EYA3: variants seen among roughly 807,000 people sequenced by gnomAD.
EYA3 encodes protein phosphatase EYA3.
A neutral mutation model predicts 80.0 loss-of-function variants in EYA3; 39 were observed. That is an observed-to-expected ratio of 0.49 (90% CI 0.38 to 0.64). The LOEUF (loss-of-function observed/expected upper bound fraction) is 0.64. Ranked by LOEUF, EYA3 falls within the 30% of genes least tolerant of loss-of-function variation. The probability of loss-of-function intolerance (pLI) is 0.00; values close to 1 mark genes in which losing one functional copy is unlikely to be tolerated. For synonymous variants in EYA3, 206 were observed against 232.8 expected (o/e 0.88, Z 1.05); for missense variants, 523 against 676.1 (o/e 0.77, Z 2.51).
intron 2 of EYA3, among the ~76,000 whole-genome samples, chr1:28,055,243 A>G (rs1644395699): frequency 1.3e-5 from 2 of 152,146 alleles, no homozygotes; most frequent in Admixed American, 6.6e-5. Flanking sequence ...TTCTCAATCC[A>G]CTGCTGTTCT....
chr1:28,037,790 G>A (rs562539258), intron 5 of EYA3, among the ~76,000 whole-genome samples: 5 of 152,182 alleles, frequency 3.3e-5, no homozygotes, highest in Non-Finnish European at 7.3e-5. Flanking sequence ...GGTAAAAACA[G>A]ATATAACCAG....
intron 1 of EYA3, among the ~76,000 whole-genome samples, chr1:28,085,615 A>G (rs915693028): frequency 5.3e-5 from 8 of 152,232 alleles, no homozygotes; most frequent in Non-Finnish European, 8.8e-5. Flanking sequence ...AAATAAGAAA[A>G]CTTGGTAAGC....
At position 27,974,300 on chromosome 1, in the gene EYA3, A is replaced by T; in HGVS notation, c.*166T>A. The T allele has an allele frequency of 2.1e-6, 1 of 468,158 alleles. No individual in the cohort carries two copies. The highest frequency in any genetic ancestry group is 3.4e-5 in the East Asian group (1 of 29,772). The allele number at this position is 468,158 out of a possible 1,614,324, so 29.0% of individuals were successfully genotyped here. A position where few individuals can be genotyped will look rare whatever the true frequency, so the allele number is the denominator to read the frequency against. On this transcript the variant is annotated 3_prime_UTR_variant, in exon 18 of 18. Transcript: ENST00000373871. Reference sequence around the variant, plus strand: ...GAGAGAGGCAGAGAGGGAGGGAGAGAGGAAGGGAGGGAGGGAGAGAGGGAG... The same window carrying T: ...GAGAGAGGCAGAGAGGGAGGGAGAGTGGAAGGGAGGGAGGGAGAGAGGGAG...
intron 1 of EYA3, among the ~76,000 whole-genome samples, chr1:28,082,885 T>A (rs556596): frequency 9.9e-5 from 15 of 152,076 alleles, no homozygotes; most frequent in Middle Eastern, 3.4e-3. Flanking sequence ...ATTTGATCCC[T>A]TATTGCTTTC....
chr1:27,991,662 A>G (rs998184644), intron 14 of EYA3, among the ~76,000 whole-genome samples: 8 of 152,194 alleles, frequency 5.3e-5, no homozygotes, highest in African/African-American at 1.9e-4. Flanking sequence ...ATGACTCTTA[A>G]CATTTTGGAT....
chr1:28,030,132 C>T (rs1236609518), intron 6 of EYA3, among the ~76,000 whole-genome samples: 1 of 152,130 alleles, frequency 6.6e-6, no homozygotes, highest in Admixed American at 6.5e-5. Flanking sequence ...CACATATATG[C>T]AATTAAAAAT....
chr1:27,992,150 G>A (rs142115455), intron 14 of EYA3, among the ~76,000 whole-genome samples: 1,553 of 152,252 alleles, frequency 0.01, 18 homozygotes, highest in Non-Finnish European at 0.015. Context: ...CATATTGTAA[G>A]GCAGCATAGT....
rs1167961827 is a variant in EYA3, at chr1:27,971,933, G to A, written c.*2533C>T. 4 of 152,234 alleles carry A rather than the reference G, an allele frequency of 2.6e-5. No individual in the cohort carries two copies. The highest frequency in any genetic ancestry group is 2.6e-4 in the Admixed American group (4 of 15,282). The allele number at this position is 152,234 out of a possible 1,614,324, so 9.4% of individuals were successfully genotyped here. On this transcript the variant is annotated 3_prime_UTR_variant, in exon 18 of 18. Coordinates refer to ENST00000373871, the MANE Select transcript of EYA3 (RefSeq NM_001990.4). ...GTGGCAACAACCAGGAATGAGCAAA[G>A]ACTGCTCTGCTCAGCCTCCTTACCT...
At position 28,044,753 on chromosome 1, in the gene EYA3, T is replaced by C. The variant is rs573394603; in HGVS notation, c.78-2103A>G. ...TAATAAGGGTTTTTTTTAAATGGTA[T>C]ATATTTTTTGTTTGGTTGGTTTTTG... On this transcript the variant is annotated intron_variant, in intron 3 of 17. Transcript: ENST00000373871. Among the ~76,000 whole-genome samples the C allele has an allele frequency of 2.6e-5, 4 of 152,150 alleles. No individual in the cohort carries two copies. The East Asian group carries it at 7.7e-4, about 29-fold the overall frequency.
At chr1:28,010,691 G>T in intron 10 of EYA3, 1 of 384,868 alleles carries the variant, frequency 2.6e-6, no homozygotes, top group East Asian at 5.3e-5. Context: ...TTTAAATAGA[G>T]AACAGTATGA....
At chr1:28,064,314 G>A (rs1644748962) in intron 1 of EYA3, among the ~76,000 whole-genome samples, 1 of 150,792 alleles carries the variant, frequency 6.6e-6, no homozygotes, top group South Asian at 2.1e-4. Flanking sequence ...ATTAACAAAT[G>A]CTTATTTTTC....
intron 9 of EYA3, among the ~76,000 whole-genome samples, chr1:28,011,988 A>C (rs898247381): frequency 3.3e-5 from 5 of 152,242 alleles, no homozygotes; most frequent in Admixed American, 2.6e-4. Context: ...AGAAAGCTGG[A>C]AATACAAATA....
chr1:27,997,194 TCCTCTAACAGGTTGTGAG>T (rs2148747082), intron 13 of EYA3, 108 bp downstream of exon 13: 1 of 820,006 alleles, frequency 1.2e-6, no homozygotes, highest in East Asian at 2.5e-5. Context: ...TGTTTCTATG[TCCTCTAACAGGTTGTGAG>T]CTCTTTCAGA....
At chr1:27,989,277 C>T (rs1639873422) in intron 15 of EYA3, among the ~76,000 whole-genome samples, 1 of 152,160 alleles carries the variant, frequency 6.6e-6, no homozygotes, top group Non-Finnish European at 1.5e-5. Flanking sequence ...ACGTTGAAAT[C>T]TCCTTAATCT....
intron 2 of EYA3, among the ~76,000 whole-genome samples, chr1:28,057,218 G>C (rs1054051057): frequency 6.6e-6 from 1 of 151,894 alleles, no homozygotes; most frequent in Non-Finnish European, 1.5e-5. Context: ...ACTAGAACAC[G>C]AAAAACATAT....
At chr1:28,059,703 C>G (rs1442716788) in intron 1 of EYA3, among the ~76,000 whole-genome samples, 2 of 149,538 alleles carry the variant, frequency 1.3e-5, no homozygotes, top group African/African-American at 4.9e-5. Flanking sequence ...CCTTCAATAC[C>G]TCATTTGTTG....
chr1:28,072,257 T>C (rs1211231428), intron 1 of EYA3, among the ~76,000 whole-genome samples: 1 of 152,054 alleles, frequency 6.6e-6, no homozygotes, highest in Non-Finnish European at 1.5e-5. Flanking sequence ...TTAAACTATA[T>C]AAATGCAAAG....
chr1:28,017,529 T>C (rs1642152567), intron 7 of EYA3, among the ~76,000 whole-genome samples: 1 of 152,170 alleles, frequency 6.6e-6, no homozygotes, highest in Admixed American at 6.5e-5. Flanking sequence ...ATCAATGAAA[T>C]CACAGCTAAA....
At chr1:28,023,509 C>T (rs183876822) in intron 7 of EYA3, among the ~76,000 whole-genome samples, 188 of 152,264 alleles carry the variant, frequency 1.2e-3, no homozygotes, top group Middle Eastern at 6.8e-3. Flanking sequence ...TGGCACCTTG[C>T]CTTTGTGACC....
Sources: gnomAD v4.1 joint callset for allele counts (sites outside exome capture counted in the v4.1 genomes callset) on GRCh38, gnomAD v4.1.1 for gene constraint, MANE v1.5 for transcripts, NCBI Gene and HGNC (gene_info 2026-07-23, HGNC 2026-07-21) for gene names.